The following NRG1 variants were observed in gnomAD, a reference collection of about 807,000 sequenced individuals.
NRG1 encodes neuregulin 1.
A neutral mutation model predicts 63.8 loss-of-function variants in NRG1; 18 were observed. The ratio of observed to expected loss-of-function variants is 0.28; its 90% CI spans 0.19 to 0.42. The LOEUF (loss-of-function observed/expected upper bound fraction) is 0.42, where lower values mean the gene tolerates loss of function less well. Ranked by LOEUF, NRG1 falls within the 10% of genes least tolerant of loss-of-function variation. The probability of loss-of-function intolerance (pLI) is 1.00; values close to 1 mark genes in which losing one functional copy is unlikely to be tolerated. For synonymous variants in NRG1, 302 were observed against 301.3 expected (o/e 1.00, Z -0.02); for missense variants, 762 against 814.7 (o/e 0.94, Z 0.79).
At chr8:31,813,556 CTG>C (rs1462194884) in intron 1 of NRG1, among the ~76,000 whole-genome samples, 2 of 76,824 alleles carry the variant, frequency 2.6e-5, no homozygotes, top group Non-Finnish European at 6.7e-5. Flanking sequence ...AGGTCTCCCT[CTG>C]TCTTCCAGGC....
intron 1 of NRG1, among the ~76,000 whole-genome samples, chr8:32,460,254 A>G (rs1306588575): frequency 6.6e-6 from 1 of 152,230 alleles, no homozygotes; most frequent in African/African-American, 2.4e-5. Context: ...TGTGCTAATT[A>G]ATGACACTTT....
intron 1 of NRG1, among the ~76,000 whole-genome samples, chr8:32,078,090 C>T (rs1220034901): frequency 6.6e-6 from 1 of 152,204 alleles, no homozygotes; most frequent in Non-Finnish European, 1.5e-5. Flanking sequence ...TCACATCCTC[C>T]TAAGCAAGTG....
chr8:32,573,578 T>G (rs924507639), intron 1 of NRG1, among the ~76,000 whole-genome samples: 7 of 152,202 alleles, frequency 4.6e-5, no homozygotes, highest in African/African-American at 1.7e-4. Flanking sequence ...GTCTTTTCAT[T>G]AGGAATCTGA....
intron 1 of NRG1, among the ~76,000 whole-genome samples, chr8:31,741,429 C>A (rs994264676): frequency 1.3e-5 from 2 of 151,502 alleles, no homozygotes; most frequent in Non-Finnish European, 2.9e-5. Flanking sequence ...AAACTAACAA[C>A]AAAAAACCTG....
intron 1 of NRG1, among the ~76,000 whole-genome samples, chr8:31,827,316 G>C (rs1824666513): frequency 1.3e-5 from 2 of 152,164 alleles, no homozygotes; most frequent in Admixed American, 1.3e-4. Context: ...AATTATGCAA[G>C]GTATTTGTCT....
intron 1 of NRG1, among the ~76,000 whole-genome samples, chr8:31,851,425 C>G (rs895348460): frequency 1.3e-5 from 2 of 152,048 alleles, no homozygotes. Flanking sequence ...CCTGAAATAT[C>G]TAAAATGTAG....
At chr8:32,335,789 A>T (rs1413256550) in intron 1 of NRG1, among the ~76,000 whole-genome samples, 1 of 152,274 alleles carries the variant, frequency 6.6e-6, no homozygotes, top group South Asian at 2.1e-4. Flanking sequence ...TTTGAAAGAA[A>T]TGCAGCCCAA....
chr8:32,367,957 C>G (rs893743786), intron 1 of NRG1, among the ~76,000 whole-genome samples: 4 of 152,078 alleles, frequency 2.6e-5, no homozygotes, highest in African/African-American at 9.7e-5. Flanking sequence ...TTTTCAGTGC[C>G]TTTGTCAAAA....
chr8:32,136,247 T>G (rs1450920642), intron 1 of NRG1, among the ~76,000 whole-genome samples: 2 of 152,188 alleles, frequency 1.3e-5, no homozygotes, highest in Non-Finnish European at 2.9e-5. Context: ...TTCAGATTCC[T>G]TAAGCGCATG....
intron 1 of NRG1, among the ~76,000 whole-genome samples, chr8:31,715,476 A>G (rs996557778): frequency 6.6e-6 from 1 of 152,186 alleles, no homozygotes; most frequent in African/African-American, 2.4e-5. Context: ...AGGTATGAAT[A>G]ATAAGTTTAT....
intron 1 of NRG1, among the ~76,000 whole-genome samples, chr8:32,459,372 C>T (rs1822017266): frequency 6.6e-6 from 1 of 152,152 alleles, no homozygotes; most frequent in Non-Finnish European, 1.5e-5. Context: ...AGCTATTATA[C>T]TCTCTTGCAT....
intron 1 of NRG1, among the ~76,000 whole-genome samples, chr8:31,836,757 CAT>C (rs1432762662): frequency 3.3e-5 from 5 of 152,046 alleles, no homozygotes; most frequent in Non-Finnish European, 7.4e-5. Flanking sequence ...ACTTTGGACA[CAT>C]AACTTTCATG....
intron 1 of NRG1, among the ~76,000 whole-genome samples, chr8:32,166,042 A>G (rs974388902): frequency 2.0e-5 from 3 of 152,066 alleles, no homozygotes; most frequent in Non-Finnish European, 2.9e-5. Flanking sequence ...TTTTGATGCC[A>G]TTTTTATTAA....
chr8:32,376,504 A>G (rs933404874), intron 1 of NRG1, among the ~76,000 whole-genome samples: 5 of 152,178 alleles, frequency 3.3e-5, no homozygotes, highest in African/African-American at 1.2e-4. Flanking sequence ...AGAGTTCGAG[A>G]TCAATAAGAG....
intron 1 of NRG1, among the ~76,000 whole-genome samples, chr8:32,266,917 C>A (rs563500690): frequency 4.0e-4 from 61 of 150,968 alleles, no homozygotes; most frequent in African/African-American, 1.5e-3. Flanking sequence ...GACGTGGTGG[C>A]ACATGCCTGT....
chr8:32,478,319 G>A (rs970646544), intron 1 of NRG1, among the ~76,000 whole-genome samples: 3 of 152,180 alleles, frequency 2.0e-5, no homozygotes, highest in Admixed American at 6.5e-5. Context: ...AGCCGGAGCG[G>A]TCTCTTCAGG....
chr8:32,712,025 T>TGG (rs1358126456), intron 5 of NRG1, among the ~76,000 whole-genome samples: 4 of 152,168 alleles, frequency 2.6e-5, no homozygotes, highest in South Asian at 4.1e-4. Context: ...TAACTTATTA[T>TGG]TATTACCCTT....
At chr8:32,565,961 G>C (rs139060414) in intron 1 of NRG1, among the ~76,000 whole-genome samples, 1 of 152,106 alleles carries the variant, frequency 6.6e-6, no homozygotes, top group Admixed American at 6.6e-5. Context: ...TACCGAGTTC[G>C]TGGCTTGAGG....
At chr8:32,635,029 G>T (rs1050918145) in intron 5 of NRG1, among the ~76,000 whole-genome samples, 7 of 152,090 alleles carry the variant, frequency 4.6e-5, no homozygotes, top group Non-Finnish European at 8.8e-5. Flanking sequence ...ATATTACTTG[G>T]CACAATGTCT....
Sources: allele counts gnomAD v4.1 joint callset (sites outside exome capture counted in the v4.1 genomes callset), GRCh38; gene constraint gnomAD v4.1.1; transcripts MANE v1.5; gene names NCBI Gene and HGNC (gene_info 2026-07-23, HGNC 2026-07-21).